SRSF10: variants seen among roughly 807,000 people sequenced by gnomAD.
SRSF10 encodes serine/arginine-rich splicing factor 10.
Under a neutral mutation model 32.6 loss-of-function variants are expected in SRSF10, and 9 were observed. That is an observed-to-expected ratio of 0.28 (90% CI 0.17 to 0.48). The LOEUF is 0.48. SRSF10 is among the 20% of genes least tolerant of loss of function. The pLI is 0.99. For synonymous variants in SRSF10, 105 were observed against 112.4 expected, an observed-to-expected ratio of 0.93 and a Z score of 0.42; for missense variants, 201 against 331.8, an observed-to-expected ratio of 0.61 and a Z score of 3.06.
intron 2 of SRSF10, 138 bp downstream of exon 2, chr1:23,978,575 A>G: frequency 8.9e-7 from 1 of 1,125,334 alleles, no homozygotes; most frequent in Non-Finnish European, 1.2e-6. Context: ...TGTGTGAGTC[A>G]GAATTAATTT....
In SRSF10 at chr1:23,966,600, A is replaced by AAATAATC. The variant is rs1252015633; in HGVS notation, c.*4535_*4541dup. The AAATAATC allele has an allele frequency of 1.3e-5, 2 of 152,056 alleles. No individual in the cohort carries two copies. The highest frequency in any genetic ancestry group is 3.8e-4 in the East Asian group (2 of 5,202). The allele number at this position is 152,056 out of a possible 1,614,324, so 9.4% of individuals were successfully genotyped here. The stretch of plus-strand genomic sequence containing the variant: ...GGATAACAGCTCTCTGTCTGCCTCA[A>AAATAATC]AATAATCTAATTATAGCACCCAGTC... On this transcript the variant is annotated 3_prime_UTR_variant, in exon 6 of 6. Transcript: ENST00000492112.
intron 3 of SRSF10, among the ~76,000 whole-genome samples, chr1:23,973,658 G>GAACC (rs1390228617): frequency 7.9e-5 from 12 of 152,146 alleles, no homozygotes; most frequent in Admixed American, 2.6e-4. Context: ...AATGACCACT[G>GAACC]AACCATATGC....
At chr1:23,972,827 C>T (rs1269115775) in intron 3 of SRSF10, among the ~76,000 whole-genome samples, 6 of 151,836 alleles carry the variant, frequency 4.0e-5, no homozygotes, top group Non-Finnish European at 5.9e-5. Flanking sequence ...CCACAACCTC[C>T]GTCTCCTGAG....
rs1394017310 is a variant in SRSF10, at chr1:23,970,033, C to T, written c.*1109G>A. 2 of 985,306 alleles carry T rather than the reference C, an allele frequency of 2.0e-6. No homozygotes were observed. The highest frequency in any genetic ancestry group is 3.5e-5 in the African/African-American group (2 of 57,244). 61.0% of individuals were successfully genotyped at this position (985,306 alleles called of 1,614,324 possible). A position where few individuals can be genotyped will look rare whatever the true frequency, so the allele number is the denominator to read the frequency against. On this transcript the variant is annotated 3_prime_UTR_variant, in exon 6 of 6. Transcript: ENST00000492112. The stretch of plus-strand genomic sequence containing the variant: ...ACTAGGCACACACACACAAAACCTA[C>T]TTTGAAACAATTTACTTACTTAACA...
In SRSF10 at chr1:23,971,317, G is replaced by A; in HGVS notation, c.614C>T (p.Thr205Ile). ...GGAATCTGTTTTAGAGGTGCCTCTA[G>A]TTTTGGTGTGAGATGCAGACCTAGA... ...SRSRSASHTK[T>I]RGTSKTDSKT... is the part of the protein sequence containing the mutation. Residue 205 changes from threonine to isoleucine, a missense_variant, in exon 6 of 6, where the codon ACT becomes ATT. Thr to Ile is a moderately conservative substitution (Grantham distance 89). Coordinates refer to ENST00000492112, the MANE Select transcript of SRSF10 (RefSeq NM_054016.4). 1 of 1,613,306 alleles carries A rather than the reference G, an allele frequency of 6.2e-7. No homozygotes were observed. The highest frequency in any genetic ancestry group is 8.5e-7 in the Non-Finnish European group (1 of 1,179,892).
intron 2 of SRSF10, chr1:23,977,395 C>T (rs1285140323): frequency 1.3e-5 from 2 of 152,274 alleles, no homozygotes; most frequent in Non-Finnish European, 2.9e-5. Flanking sequence ...TTCTGCAACT[C>T]ATTCAGGGCC....
At position 23,970,518 on chromosome 1, in the gene SRSF10, G is replaced by A. The variant is rs1400114438; in HGVS notation, c.*624C>T. 2.0e-6 allele frequency: 1 copy of A among 501,372 alleles called. No individual in the cohort carries two copies. Among genetic ancestry groups the A allele is most frequent in the African/African-American group, 2.1e-5 (1 of 47,548 alleles). 31.1% of individuals were successfully genotyped at this position (501,372 alleles called of 1,614,324 possible). On this transcript the variant is annotated 3_prime_UTR_variant, in exon 6 of 6. Coordinates refer to ENST00000492112, the MANE Select transcript of SRSF10 (RefSeq NM_054016.4). ...TGAGATTACAGGCATGTGCCACCAT[G>A]CCCGGATAATTTTTGTATTTTTAGT... is the stretch of plus-strand genomic sequence containing the variant.
chr1:23,976,121 G>C (rs1642073784), intron 2 of SRSF10: 1 of 152,070 alleles, frequency 6.6e-6, no homozygotes, highest in Non-Finnish European at 1.5e-5. Context: ...TTAGGTACAG[G>C]TATAGGTTTT....
rs1195908219 is a variant in SRSF10, at chr1:23,969,894, C to T, written c.*1248G>A. On this transcript the variant is annotated 3_prime_UTR_variant, in exon 6 of 6. Coordinates refer to ENST00000492112, the MANE Select transcript of SRSF10 (RefSeq NM_054016.4). ...ATGAGTGTTGTCTTACAACTTGCCT[C>T]GTATTAAATAAACTGAGGTGTGAAA... is the stretch of plus-strand genomic sequence containing the variant. 5 of 985,194 alleles carry T rather than the reference C, an allele frequency of 5.1e-6. No individual in the cohort carries two copies. The highest frequency in any genetic ancestry group is 1.7e-5 in the African/African-American group (1 of 57,196). 61.0% of individuals were successfully genotyped at this position (985,194 alleles called of 1,614,324 possible).
At chr1:23,974,512 AC>A (rs1267103872) in intron 3 of SRSF10, among the ~76,000 whole-genome samples, 1 of 152,038 alleles carries the variant, frequency 6.6e-6, no homozygotes, top group Admixed American at 6.6e-5. Flanking sequence ...TATTCAAGAT[AC>A]TCCATTTTCT....
chr1:23,975,346 T>C, intron 2 of SRSF10: 1 of 341,622 alleles, frequency 2.9e-6, no homozygotes, highest in Non-Finnish European at 5.3e-6. Context: ...TATAGCTGAA[T>C]CACCAAGTTG....
intron 2 of SRSF10, chr1:23,975,861 G>C (rs1642054427): frequency 6.6e-6 from 1 of 152,196 alleles, no homozygotes; most frequent in African/African-American, 2.4e-5. Flanking sequence ...TTTGAGACTG[G>C]TTTCCAACTT....
chr1:23,969,302 C>T lies in SRSF10; in HGVS notation c.*1840G>A. ...TTGCTAGAACTGTAAACTACTGCTA[C>T]AGTTTTAAATAGACTTTTTGTTGTT... On this transcript the variant is annotated 3_prime_UTR_variant, in exon 6 of 6. Coordinates refer to ENST00000492112, the MANE Select transcript of SRSF10 (RefSeq NM_054016.4). The T allele has an allele frequency of 1.0e-6, 1 of 985,370 alleles. No homozygotes were observed. Among genetic ancestry groups the T allele is most frequent in the East Asian group, 1.1e-4 (1 of 8,818 alleles). The allele number at this position is 985,370 out of a possible 1,614,324, so 61.0% of individuals were successfully genotyped here.
intron 1 of SRSF10, among the ~76,000 whole-genome samples, chr1:23,979,273 T>C (rs1032889584): frequency 6.7e-6 from 1 of 150,214 alleles, no homozygotes; most frequent in South Asian, 2.1e-4. Flanking sequence ...ACGTAACTAT[T>C]AGAAATTATG....
In SRSF10 at chr1:23,971,623, A is replaced by G. The variant is rs1457490623; in HGVS notation, c.441T>C (p.Ser147=). Residue 147 remains serine (S), a synonymous_variant, in exon 5 of 6, where the codon AGT becomes AGC. Transcript: ENST00000492112. The stretch of plus-strand genomic sequence containing the variant: ...TACGCCGTGGTCTTCCAGTCGGTCT[A>G]CTGCTAAAAAGCATATCAGAAAAAG... The part of the protein sequence containing the change: ...NYRRSYSPRN[S]RPTGRPRRSR... 3.8e-5 allele frequency: 62 copies of G among 1,610,570 alleles called. No individual in the cohort carries two copies. The highest frequency in any genetic ancestry group is 5.0e-5 in the Non-Finnish European group (59 of 1,179,760).
chr1:23,965,695 G>A lies in SRSF10; in HGVS notation c.*5447C>T, dbSNP rs1378882877. The A allele has an allele frequency of 2.6e-5, 4 of 151,858 alleles. No individual in the cohort carries two copies. The highest frequency in any genetic ancestry group is 9.7e-5 in the African/African-American group (4 of 41,406). The allele number at this position is 151,858 out of a possible 1,614,324, so 9.4% of individuals were successfully genotyped here. The stretch of plus-strand genomic sequence containing the variant: ...AGATCCTAAAGCAATTCATTCAACA[G>A]ATGCAAAAATTAAAGGGCCTTTTCT... On this transcript the variant is annotated 3_prime_UTR_variant, in exon 6 of 6. Coordinates refer to ENST00000492112, the MANE Select transcript of SRSF10 (RefSeq NM_054016.4).
At chr1:23,976,020 C>T (rs1642063390) in intron 2 of SRSF10, 1 of 152,206 alleles carries the variant, frequency 6.6e-6, no homozygotes, top group Non-Finnish European at 1.5e-5. Context: ...CTGTCCAAAC[C>T]TAGCTCCTTT....
At position 23,970,351 on chromosome 1, in the gene SRSF10, C is replaced by T. The variant is rs1366406874; in HGVS notation, c.*791G>A. 21 of 964,400 alleles carry T rather than the reference C, an allele frequency of 2.2e-5. No homozygotes were observed. The highest frequency in any genetic ancestry group is 8.0e-5 in the Admixed American group (1 of 12,484). 59.7% of individuals were successfully genotyped at this position (964,400 alleles called of 1,614,324 possible). On this transcript the variant is annotated 3_prime_UTR_variant, in exon 6 of 6. Transcript: ENST00000492112. The stretch of plus-strand genomic sequence containing the variant: ...CTGCATCAAAAATAATTATCATTGG[C>T]CTAGACATCCGGTTTTTTTTTTTTT...
In SRSF10 at chr1:23,967,966, A is replaced by G; in HGVS notation, c.*3176T>C. On this transcript the variant is annotated 3_prime_UTR_variant, in exon 6 of 6. Transcript: ENST00000492112. ...CTTCTTGCTTACTTGGCTTCAAAAA[A>G]AAAAAAAAAATGCAGAGAGATCTTA... 1 of 1,542,688 alleles carries G rather than the reference A, an allele frequency of 6.5e-7. No homozygotes were observed. The highest frequency in any genetic ancestry group is 8.7e-7 in the Non-Finnish European group (1 of 1,145,192).
Sources: allele counts gnomAD v4.1 joint callset (sites outside exome capture counted in the v4.1 genomes callset), GRCh38; gene constraint gnomAD v4.1.1; transcripts MANE v1.5; gene names NCBI Gene and HGNC (gene_info 2026-07-23, HGNC 2026-07-21).